VWC2L: variants seen among roughly 807,000 people sequenced by gnomAD.
VWC2L encodes the protein von Willebrand factor C domain containing 2 like, also known as von Willebrand factor C domain-containing protein 2-like.
In VWC2L, 10 loss-of-function variants were observed where a neutral mutation model predicts 21.6. That is an observed-to-expected ratio of 0.46 (90% CI 0.29 to 0.78). VWC2L has a LOEUF of 0.78. VWC2L is among the 30% of genes least tolerant of loss of function. VWC2L has a pLI of 0.10. For missense variants in VWC2L, 209 were observed against 277.1 expected (o/e 0.75, Z 1.74); for synonymous variants, 96 against 94.3 (o/e 1.02, Z -0.10).
rs750877732 is a variant in VWC2L, at chr2:214,414,375, A to T, written c.182A>T (p.Tyr61Phe). ...TGTGTCGATGACAGCGGCTTTGTATACAAGTTGGGAGAACGATTTTTCCCT... is the reference window on the plus strand; with the variant it reads ...TGTGTCGATGACAGCGGCTTTGTATTCAAGTTGGGAGAACGATTTTTCCCT... ...KGCVDDSGFV[Y>F]KLGERFFPGH... Residue 61 changes from tyrosine (Y) to phenylalanine (F), a missense_variant, in exon 2 of 4, where the codon TAC becomes TTC. By Grantham distance (22) the Tyr-to-Phe change is conservative. Transcript: ENST00000312504. 1 of 1,613,702 alleles carries T rather than the reference A, an allele frequency of 6.2e-7. No individual in the cohort carries two copies.
intron 3 of VWC2L, among the ~76,000 whole-genome samples, chr2:214,449,973 ATAAT>A (rs1702929366): frequency 1.3e-5 from 2 of 152,272 alleles, no homozygotes; most frequent in East Asian, 1.9e-4. Flanking sequence ...ATGTTGTTAA[ATAAT>A]TAGATAGTTG....
chr2:214,544,505 C>A (rs1343092830), intron 3 of VWC2L, among the ~76,000 whole-genome samples: 2 of 152,102 alleles, frequency 1.3e-5, no homozygotes. Flanking sequence ...GACTGTCCTT[C>A]CCAGAACATT....
chr2:214,422,980 G>C (rs1702466006), intron 2 of VWC2L, among the ~76,000 whole-genome samples: 1 of 151,954 alleles, frequency 6.6e-6, no homozygotes, highest in South Asian at 2.1e-4. Flanking sequence ...ACAATAATGA[G>C]ACCATATATA....
At chr2:214,562,489 A>G (rs528553983) in intron 3 of VWC2L, among the ~76,000 whole-genome samples, 14 of 152,336 alleles carry the variant, frequency 9.2e-5, no homozygotes, top group African/African-American at 2.9e-4. Context: ...AATGATTTAC[A>G]TTATTTGGGT....
At chr2:214,510,095 C>T (rs992112969) in intron 3 of VWC2L, 2 of 152,132 alleles carry the variant, frequency 1.3e-5, no homozygotes, top group African/African-American at 4.8e-5. Flanking sequence ...ATTGCCTTTG[C>T]TTTTAAATTA....
chr2:214,485,071 C>T (rs865908771), intron 3 of VWC2L, among the ~76,000 whole-genome samples: 2 of 152,168 alleles, frequency 1.3e-5, no homozygotes, highest in Non-Finnish European at 2.9e-5. Context: ...AATCCCAGCA[C>T]TTTGGGAGGT....
intron 3 of VWC2L, among the ~76,000 whole-genome samples, chr2:214,533,645 T>C (rs1031772571): frequency 2.6e-5 from 4 of 151,958 alleles, no homozygotes; most frequent in African/African-American, 4.8e-5. Flanking sequence ...TTCCTATTCA[T>C]ATAAATGCAA....
At chr2:214,481,587 A>G (rs1360796637) in intron 3 of VWC2L, among the ~76,000 whole-genome samples, 1 of 152,216 alleles carries the variant, frequency 6.6e-6, no homozygotes, top group Non-Finnish European at 1.5e-5. Context: ...ACCCAGCAAG[A>G]TTTGGTGTGG....
chr2:214,564,470 T>TG (rs1373391390), intron 3 of VWC2L, among the ~76,000 whole-genome samples: 1 of 76,404 alleles, frequency 1.3e-5, no homozygotes. Flanking sequence ...CAAAAATTGA[T>TG]GTTTTTTTTT....
At chr2:214,544,658 TG>T (rs999022756) in intron 3 of VWC2L, among the ~76,000 whole-genome samples, 7 of 152,152 alleles carry the variant, frequency 4.6e-5, no homozygotes, top group African/African-American at 7.2e-5. Context: ...AAATGAGCCT[TG>T]GGAAAGTCTC....
At chr2:214,525,739 T>A (rs944494147) in intron 3 of VWC2L, among the ~76,000 whole-genome samples, 2 of 152,186 alleles carry the variant, frequency 1.3e-5, no homozygotes, top group Non-Finnish European at 2.9e-5. Context: ...AGGTTAATAG[T>A]CAATGATTGT....
At chr2:214,470,142 A>G (rs1443254108) in intron 3 of VWC2L, among the ~76,000 whole-genome samples, 1 of 152,184 alleles carries the variant, frequency 6.6e-6, no homozygotes, top group African/African-American at 2.4e-5. Context: ...GAATAACTGT[A>G]GTTCCGAGAG....
Position 214,574,827 on chromosome 2 carries a change from G to A in VWC2L, c.521-845G>A, listed in dbSNP as rs752751130. On this transcript the variant is annotated intron_variant, in intron 3 of 3. Transcript: ENST00000312504. ...CACTGAACACTGATATTCCTACGTT[G>A]GGAAGGTCAAAAAATGCAAGAAAAT... Among the ~76,000 whole-genome samples, 36 of 151,862 alleles carry A rather than the reference G, an allele frequency of 2.4e-4. 1 individual carries two copies. Among genetic ancestry groups the A allele is most frequent in the South Asian group, 1.5e-3 (7 of 4,806 alleles).
chr2:214,564,566 C>T (rs1690033265), intron 3 of VWC2L, among the ~76,000 whole-genome samples: 5 of 152,046 alleles, frequency 3.3e-5, no homozygotes. Flanking sequence ...ATAGGCAGCA[C>T]AGCACTAGAA....
intron 3 of VWC2L, among the ~76,000 whole-genome samples, chr2:214,462,459 A>T (rs941505302): frequency 2.0e-5 from 3 of 152,210 alleles, no homozygotes; most frequent in East Asian, 3.9e-4. Context: ...TTAGATGCTT[A>T]TTTAAAATGT....
At chr2:214,553,582 T>C (rs1335140615) in intron 3 of VWC2L, among the ~76,000 whole-genome samples, 2 of 152,204 alleles carry the variant, frequency 1.3e-5, no homozygotes, top group Non-Finnish European at 2.9e-5. Context: ...AGCCTCCAGG[T>C]AGCAGGCTTC....
At chr2:214,465,827 G>T (rs1434684459) in intron 3 of VWC2L, among the ~76,000 whole-genome samples, 3 of 152,198 alleles carry the variant, frequency 2.0e-5, no homozygotes, top group Non-Finnish European at 4.4e-5. Context: ...TCTGGTTAGG[G>T]TTGTTCTAAA....
intron 3 of VWC2L, among the ~76,000 whole-genome samples, chr2:214,532,472 C>A (rs1487493290): frequency 6.6e-6 from 1 of 152,142 alleles, no homozygotes; most frequent in African/African-American, 2.4e-5. Flanking sequence ...GGAGTCAATT[C>A]TCACCTTTCT....
At chr2:214,440,144 C>G (rs1433962065) in intron 3 of VWC2L, among the ~76,000 whole-genome samples, 1 of 151,612 alleles carries the variant, frequency 6.6e-6, no homozygotes, top group Admixed American at 6.6e-5. Flanking sequence ...TAGTTCAGTA[C>G]CAAGAACAGT....
Sources: gnomAD v4.1 joint callset for allele counts (sites outside exome capture counted in the v4.1 genomes callset) on GRCh38, gnomAD v4.1.1 for gene constraint, MANE v1.5 for transcripts, NCBI Gene and HGNC (gene_info 2026-07-23, HGNC 2026-07-21) for gene names.